Variants in RBFOX1 observed in about 807,000 individuals in gnomAD.
RBFOX1 encodes RNA binding fox-1 homolog 1.
In RBFOX1, 8 loss-of-function variants were observed where a neutral mutation model predicts 57.7. That is an observed-to-expected ratio of 0.14 (90% CI 0.08 to 0.25). RBFOX1 has a LOEUF of 0.25. RBFOX1 is among the 10% of genes least tolerant of loss of function. RBFOX1 has a pLI of 1.00. For synonymous variants in RBFOX1, 326 were observed against 222.4 expected (o/e 1.47, Z -4.15); for missense variants, 611 against 548.5 (o/e 1.11, Z -1.14).
chr16:7,542,070 C>T (rs1398562324), intron 5 of RBFOX1, among the ~76,000 whole-genome samples: 2 of 152,114 alleles, frequency 1.3e-5, no homozygotes, highest in African/African-American at 4.8e-5. Context: ...GTGGGGGTAC[C>T]TCTAAAATAG....
intron 3 of RBFOX1, among the ~76,000 whole-genome samples, chr16:6,998,248 T>C (rs2092438193): frequency 6.6e-6 from 1 of 152,194 alleles, no homozygotes; most frequent in Admixed American, 6.5e-5. Flanking sequence ...TGTTGCTAAA[T>C]ATTCCTAAAG....
intron 14 of RBFOX1, among the ~76,000 whole-genome samples, chr16:7,702,834 C>T (rs17144632): frequency 3.5e-4 from 53 of 152,326 alleles, no homozygotes; most frequent in African/African-American, 1.2e-3. Context: ...GGATTGTCTT[C>T]AACACATCAT....
chr16:6,854,033 C>G (rs72768843), intron 3 of RBFOX1, among the ~76,000 whole-genome samples: 1 of 151,944 alleles, frequency 6.6e-6, no homozygotes, highest in African/African-American at 2.4e-5. Flanking sequence ...GAAGGACAGA[C>G]CTCAGGCAGT....
At chr16:5,941,813 C>T (rs2059283888) in intron 4 of RBFOX1, among the ~76,000 whole-genome samples, 1 of 151,892 alleles carries the variant, frequency 6.6e-6, no homozygotes, top group Non-Finnish European at 1.5e-5. Context: ...ATGTCTTGCT[C>T]CGTGCGAAAT....
Position 5,266,992 on chromosome 16 carries a change from C to T in RBFOX1, c.219+26887C>T, listed in dbSNP as rs575040330. 7.0e-4 allele frequency among the ~76,000 whole-genome samples: 107 copies of T among 152,006 alleles called. 1 individual carries two copies. The highest frequency in any genetic ancestry group is 2.3e-3 in the African/African-American group (96 of 41,432). On this transcript the variant is annotated intron_variant, in intron 1 of 2. Coordinates refer to the RBFOX1 transcript ENST00000585867. ...ATTTGTAGAGTGATTGGCATGAAAG[C>T]TGATCACCTTAATTTGAACTACTCT...
intron 1 of RBFOX1, among the ~76,000 whole-genome samples, chr16:6,029,583 C>A (rs2095257515): frequency 6.6e-6 from 1 of 150,934 alleles, no homozygotes; most frequent in South Asian, 2.1e-4. Context: ...ACCATCCTGG[C>A]TAACATGGTG....
At chr16:5,842,476 C>T (rs1250068837) in intron 3 of RBFOX1, among the ~76,000 whole-genome samples, 1 of 152,208 alleles carries the variant, frequency 6.6e-6, no homozygotes, top group Non-Finnish European at 1.5e-5. Flanking sequence ...TAAGCACCTA[C>T]TGCATGCCTG....
intron 3 of RBFOX1, among the ~76,000 whole-genome samples, chr16:6,952,512 C>T (rs1425897602): frequency 6.6e-6 from 1 of 151,848 alleles, no homozygotes; most frequent in Non-Finnish European, 1.5e-5. Context: ...GTCATGCACA[C>T]CTGTAGTCCC....
intron 3 of RBFOX1, among the ~76,000 whole-genome samples, chr16:6,740,313 T>C (rs1387694072): frequency 1.3e-5 from 2 of 152,216 alleles, no homozygotes; most frequent in Non-Finnish European, 2.9e-5. Context: ...TTGTGTATAA[T>C]GGTACAAATG....
At chr16:6,035,034 A>G (rs1056493741) in intron 1 of RBFOX1, among the ~76,000 whole-genome samples, 1 of 149,054 alleles carries the variant, frequency 6.7e-6, no homozygotes, top group Non-Finnish European at 1.5e-5. Flanking sequence ...TTTGGATTGC[A>G]TAATTATCTG....
At position 6,021,909 on chromosome 16, in the gene RBFOX1, A is replaced by C. The variant is rs12444143; in HGVS notation, c.-127+1917A>C. Among the ~76,000 whole-genome samples, 7 of 152,162 alleles carry C rather than the reference A, an allele frequency of 4.6e-5. No individual in the cohort carries two copies. In the South Asian group the frequency reaches 1.0e-3, roughly 23 times the overall value. ...GGCACATGGTAAGTGCCTGAATTCT[A>C]TGAGTTTTGTTTCTTTATTCTTTCA... On this transcript the variant is annotated intron_variant, in intron 1 of 15. Coordinates refer to ENST00000550418, the MANE Select transcript of RBFOX1 (RefSeq NM_018723.4).
intron 1 of RBFOX1, among the ~76,000 whole-genome samples, chr16:6,259,787 A>C (rs1445398980): frequency 6.6e-6 from 1 of 151,972 alleles, no homozygotes; most frequent in Non-Finnish European, 1.5e-5. Context: ...CTGAGACGCC[A>C]TTTGTACTAA....
chr16:5,670,778 G>T (rs1044016964), intron 3 of RBFOX1, among the ~76,000 whole-genome samples: 2 of 152,224 alleles, frequency 1.3e-5, no homozygotes, highest in Non-Finnish European at 2.9e-5. Context: ...AAACTTGGAA[G>T]TGTATCAACC....
Position 6,273,366 on chromosome 16 carries a change from C to T in RBFOX1, c.-126-43629C>T, listed in dbSNP as rs1377968290. On this transcript the variant is annotated intron_variant, in intron 1 of 15. Coordinates refer to ENST00000550418, the MANE Select transcript of RBFOX1 (RefSeq NM_018723.4). ...TTTTTTTTTTTTTTTTTTTTTTTGG[C>T]AAAGTTTCACTGTTGTTGCCCAGGC... Among the ~76,000 whole-genome samples the T allele has an allele frequency of 6.4e-3, 422 of 65,594 alleles. 3 individuals carry two copies. The highest frequency in any genetic ancestry group is 0.024 in the African/African-American group (387 of 15,992). The allele number at this position is 65,594 out of a possible 152,430, so 43.0% of individuals were successfully genotyped here.
chr16:5,285,224 G>C (rs1323802781), intron 1 of RBFOX1, among the ~76,000 whole-genome samples: 1 of 152,064 alleles, frequency 6.6e-6, no homozygotes. Context: ...TGTTTTGCTT[G>C]ATCTAGTCTA....
intron 3 of RBFOX1, among the ~76,000 whole-genome samples, chr16:6,947,261 C>A (rs1020003183): frequency 6.6e-6 from 1 of 152,118 alleles, no homozygotes; most frequent in Non-Finnish European, 1.5e-5. Flanking sequence ...TTCTTATTTT[C>A]CTGTTTTTCA....
intron 3 of RBFOX1, among the ~76,000 whole-genome samples, chr16:6,693,101 C>T (rs576704983): frequency 6.6e-6 from 1 of 151,586 alleles, no homozygotes; most frequent in African/African-American, 2.4e-5. Flanking sequence ...CCATCATCAT[C>T]ATCCTCATCC....
intron 3 of RBFOX1, among the ~76,000 whole-genome samples, chr16:6,831,844 G>A (rs527829710): frequency 3.3e-5 from 5 of 152,286 alleles, no homozygotes; most frequent in African/African-American, 9.6e-5. Context: ...ATCTCCAGCT[G>A]TGAATGCTAG....
chr16:6,663,833 G>A (rs529774936), intron 3 of RBFOX1, among the ~76,000 whole-genome samples: 1 of 152,222 alleles, frequency 6.6e-6, no homozygotes, highest in African/African-American at 2.4e-5. Flanking sequence ...CCTGGGCCAG[G>A]TGCAGAGGAG....
Sources: gnomAD v4.1 joint callset for allele counts (sites outside exome capture counted in the v4.1 genomes callset) on GRCh38, gnomAD v4.1.1 for gene constraint, MANE v1.5 for transcripts, NCBI Gene and HGNC (gene_info 2026-07-23, HGNC 2026-07-21) for gene names.